PLOD2: variants seen among roughly 807,000 people sequenced by gnomAD.
PLOD2 encodes the protein procollagen-lysine,2-oxoglutarate 5-dioxygenase 2.
A neutral mutation model predicts 101.0 loss-of-function variants in PLOD2; 65 were observed. That is an observed-to-expected ratio of 0.64 (90% CI 0.53 to 0.79). The LOEUF (loss-of-function observed/expected upper bound fraction) is 0.79. Ranked by LOEUF, PLOD2 falls within the 30% of genes least tolerant of loss-of-function variation. The pLI, the probability that PLOD2 is intolerant of heterozygous loss-of-function variation, is 0.00. For missense variants in PLOD2, 909 were observed against 914.6 expected (o/e 0.99, Z 0.08); for synonymous variants, 314 against 302.9 (o/e 1.04, Z -0.38).
chr3:146,112,393 C>T (rs900176001), intron 3 of PLOD2, among the ~76,000 whole-genome samples: 2 of 152,152 alleles, frequency 1.3e-5, no homozygotes, highest in East Asian at 3.9e-4. Context: ...CAAACTAACA[C>T]AGAAACAGAA....
At chr3:146,083,526 G>A (rs1302176100) in intron 11 of PLOD2, among the ~76,000 whole-genome samples, 1 of 151,316 alleles carries the variant, frequency 6.6e-6, no homozygotes, top group Non-Finnish European at 1.5e-5. Context: ...GACACAGCCT[G>A]AGTTTTACTC....
chr3:146,108,371 A>G (rs1937572534), intron 4 of PLOD2, among the ~76,000 whole-genome samples: 1 of 152,082 alleles, frequency 6.6e-6, no homozygotes, highest in Non-Finnish European at 1.5e-5. Flanking sequence ...TTTAGTAGAA[A>G]TGGGATTTCC....
At chr3:146,074,643 A>C (rs1936267606) in intron 15 of PLOD2, among the ~76,000 whole-genome samples, 1 of 151,360 alleles carries the variant, frequency 6.6e-6, no homozygotes, top group Admixed American at 6.6e-5. Flanking sequence ...ATCATCCATA[A>C]GATTTAAGAA....
chr3:146,106,576 C>A lies in PLOD2; in HGVS notation c.571G>T (p.Asp191Tyr). ...TAAACTTTAGTGTAAAAGAGCTGAT[C>A]ATCATCATTATCCTGGAGATTCCAT... ...QQWNLQDNDD[D>Y]QLFYTKVYID... Residue 191 changes from aspartate (D) to tyrosine (Y), a missense_variant, in exon 5 of 20, where the codon GAT becomes TAT. Transcript: ENST00000282903. 6.3e-7 allele frequency: 1 copy of A among 1,595,682 alleles called. No homozygotes were observed. The highest frequency in any genetic ancestry group is 1.1e-5 in the South Asian group (1 of 90,636).
intron 11 of PLOD2, among the ~76,000 whole-genome samples, 190 bp from the exon 12 acceptor site, chr3:146,082,053 G>T (rs1207062455): frequency 6.6e-6 from 1 of 152,012 alleles, no homozygotes; most frequent in Non-Finnish European, 1.5e-5. Context: ...TAAGTATATT[G>T]CTAATTTTCA....
intron 1 of PLOD2, among the ~76,000 whole-genome samples, chr3:146,145,570 G>A (rs955410512): frequency 2.6e-5 from 4 of 152,042 alleles, no homozygotes; most frequent in Admixed American, 1.3e-4. Context: ...TTACTGTTAC[G>A]AGCAAAGAAA....
Position 146,102,895 on chromosome 3 carries a change from G to GTA in PLOD2, c.680-44_680-43insTA, listed in dbSNP as rs1937439189. The GTA allele has an allele frequency of 6.1e-6, 6 of 981,538 alleles. No individual in the cohort carries two copies. In the Middle Eastern group the frequency reaches 6.2e-4, roughly 102 times the overall value. 60.8% of individuals were successfully genotyped at this position (981,538 alleles called of 1,614,324 possible). A position where few individuals can be genotyped will look rare whatever the true frequency, so the allele number is the denominator to read the frequency against. On this transcript the variant is annotated intron_variant, in intron 6 of 19. Coordinates refer to ENST00000282903, the MANE Select transcript of PLOD2 (RefSeq NM_182943.3). ...AATAGGCTTTAGTAATTTAAAATAC[G>GTA]TGTGTGTGTGTCTGTATTCGTGTGT...
chr3:146,161,022 G>T lies in PLOD2; in HGVS notation c.-33C>A, dbSNP rs367985459. The stretch of plus-strand genomic sequence containing the variant: ...CCTCGAGGGCCGCGCGGGCTCAGGC[G>T]CCCACGGCCCCGCAGCGCCGCGCTT... On this transcript the variant is annotated 5_prime_UTR_variant, in exon 1 of 20. Transcript: ENST00000282903. 20 of 1,382,160 alleles carry T rather than the reference G, an allele frequency of 1.4e-5. No homozygotes were observed. The highest frequency in any genetic ancestry group is 1.8e-5 in the Non-Finnish European group (18 of 994,114). 85.6% of individuals were successfully genotyped at this position (1,382,160 alleles called of 1,614,324 possible).
intron 6 of PLOD2, 81 bp from the exon 7 acceptor site, chr3:146,102,933 G>A: frequency 1.3e-6 from 1 of 752,750 alleles, no homozygotes; most frequent in Non-Finnish European, 2.4e-6. Context: ...GTGTGTGTAT[G>A]TGTGTGTATC....
intron 13 of PLOD2, 45 bp from the exon 14 acceptor site, chr3:146,077,969 T>C (rs1469285802): frequency 1.0e-6 from 1 of 997,066 alleles, no homozygotes; most frequent in Non-Finnish European, 1.6e-6. Context: ...GTACACCCGC[T>C]CTCTCAGGTA....
chr3:146,081,080 T>C (rs528766024), intron 12 of PLOD2, among the ~76,000 whole-genome samples: 1 of 152,244 alleles, frequency 6.6e-6, no homozygotes, highest in African/African-American at 2.4e-5. Flanking sequence ...TGGTCCATCA[T>C]ATGTATGAAA....
At chr3:146,082,218 G>A (rs571863899) in intron 11 of PLOD2, among the ~76,000 whole-genome samples, 11 of 152,180 alleles carry the variant, frequency 7.2e-5, no homozygotes, top group South Asian at 2.1e-4. Context: ...AAAGTATTTC[G>A]GAACCTATAT....
chr3:146,148,371 T>A, intron 1 of PLOD2, among the ~76,000 whole-genome samples: 1 of 81,566 alleles, frequency 1.2e-5, no homozygotes, highest in Admixed American at 1.1e-4. Context: ...CACACACACT[T>A]TTCACTACAG....
intron 1 of PLOD2, among the ~76,000 whole-genome samples, chr3:146,143,324 T>C (rs2031618709): frequency 6.6e-6 from 1 of 151,422 alleles, no homozygotes; most frequent in Non-Finnish European, 1.5e-5. Context: ...GCATGTAGAG[T>C]ATATACTCAA....
chr3:146,096,059 G>GT (rs1004607265), intron 7 of PLOD2, among the ~76,000 whole-genome samples: 46 of 146,444 alleles, frequency 3.1e-4, no homozygotes, highest in Non-Finnish European at 4.4e-4. Flanking sequence ...ACTGGTTTTC[G>GT]TTTTTTTTTG....
intron 1 of PLOD2, 87 bp from the exon 2 acceptor site, chr3:146,124,316 C>T: frequency 2.7e-6 from 2 of 749,744 alleles, no homozygotes; most frequent in South Asian, 2.9e-5. Flanking sequence ...TGAGACCTCA[C>T]TAAACCCGTG....
chr3:146,148,408 C>A (rs2031897798), intron 1 of PLOD2, among the ~76,000 whole-genome samples: 2 of 148,856 alleles, frequency 1.3e-5, no homozygotes, highest in South Asian at 4.3e-4. Context: ...AAGACAGAGA[C>A]AAAATAATGA....
Position 146,121,247 on chromosome 3 carries a change from A to T in PLOD2, c.203T>A (p.Val68Asp). The change falls in exon 3 of 20, where the codon GTC (valine) becomes GAC (aspartate). Residue 68 changes from valine to aspartate, a missense_variant and splice_region_variant. By Grantham distance (152) the Val-to-Asp change is radical. Coordinates refer to ENST00000282903, the MANE Select transcript of PLOD2 (RefSeq NM_182943.3). ...TCTCCATTCTTCTCCTTGACCAAGG[A>T]CCTATAAACAAAATCAACATTTCAT... ...SAKYFNYTVK[V>D]LGQGEEWRGG... 3 of 1,612,114 alleles carry T rather than the reference A, an allele frequency of 1.9e-6. No homozygotes were observed. Among genetic ancestry groups the T allele is most frequent in the Non-Finnish European group, 2.5e-6 (3 of 1,178,554 alleles).
intron 1 of PLOD2, among the ~76,000 whole-genome samples, chr3:146,143,838 T>C (rs2031645949): frequency 6.6e-6 from 1 of 152,104 alleles, no homozygotes; most frequent in African/African-American, 2.4e-5. Context: ...CCTCTTGTTC[T>C]CAATAAAATC....
Sources: allele counts gnomAD v4.1 joint callset (sites outside exome capture counted in the v4.1 genomes callset), GRCh38; gene constraint gnomAD v4.1.1; transcripts MANE v1.5; gene names NCBI Gene and HGNC (gene_info 2026-07-23, HGNC 2026-07-21).